CAMTA1: variants seen among roughly 807,000 people sequenced by gnomAD.
CAMTA1 encodes the protein calmodulin-binding transcription activator 1.
A neutral mutation model predicts 170.9 loss-of-function variants in CAMTA1; 27 were observed. The observed-to-expected ratio is 0.16, with a 90% CI of 0.12 to 0.22. CAMTA1 has a LOEUF of 0.22. Ranked by LOEUF, CAMTA1 falls within the 10% of genes least tolerant of loss-of-function variation. The probability of loss-of-function intolerance (pLI) is 1.00; values close to 1 mark genes in which losing one functional copy is unlikely to be tolerated. For missense variants in CAMTA1, 1,619 were observed against 2,217.2 expected, an observed-to-expected ratio of 0.73 and a Z score of 5.42; for synonymous variants, 833 against 891.5, an observed-to-expected ratio of 0.93 and a Z score of 1.17.
At chr1:6,886,432 G>T in intron 3 of CAMTA1, 1 of 378,210 alleles carries the variant, frequency 2.6e-6, no homozygotes, top group Admixed American at 3.4e-5. Flanking sequence ...TAACTACTAG[G>T]GAAATAGGCC....
At chr1:6,953,607 C>G (rs553682723) in intron 3 of CAMTA1, among the ~76,000 whole-genome samples, 20 of 152,344 alleles carry the variant, frequency 1.3e-4, no homozygotes, top group African/African-American at 4.6e-4. Flanking sequence ...ACCTTGGAAT[C>G]CACTTTTCTT....
intron 6 of CAMTA1, among the ~76,000 whole-genome samples, chr1:7,568,345 C>T (rs2095071544): frequency 6.6e-6 from 1 of 150,860 alleles, no homozygotes; most frequent in Non-Finnish European, 1.5e-5. Flanking sequence ...ATCATCACCA[C>T]ATCACCATCA....
In CAMTA1 at chr1:7,064,264, T is replaced by TTC. The variant is rs896537285; in HGVS notation, c.235-27029_235-27028dup. On this transcript the variant is annotated intron_variant, in intron 3 of 22. Transcript: ENST00000303635. The surrounding 1 kb of genome is among the most constrained non-coding windows in gnomAD (Gnocchi z 5.4). ...TGTTCTTGTTCTTTTCTTCCTCTTG[T>TTC]TCTCTCTCTCTCACTCTCTCCCTCC... is the stretch of plus-strand genomic sequence containing the variant. Among the ~76,000 whole-genome samples, 1 of 151,746 alleles carries TTC rather than the reference T, an allele frequency of 6.6e-6. No individual in the cohort carries two copies. Among genetic ancestry groups the TTC allele is most frequent in the Non-Finnish European group, 1.5e-5 (1 of 67,940 alleles).
chr1:7,648,972 C>G (rs898131460), intron 7 of CAMTA1, among the ~76,000 whole-genome samples: 3 of 152,232 alleles, frequency 2.0e-5, no homozygotes, highest in African/African-American at 7.2e-5. Flanking sequence ...TTCTCACATC[C>G]AGGTGCGAGG....
chr1:7,217,752 G>A (rs1209028018), intron 4 of CAMTA1, among the ~76,000 whole-genome samples: 1 of 151,996 alleles, frequency 6.6e-6, no homozygotes, highest in Non-Finnish European at 1.5e-5. Flanking sequence ...GGAGTCTCTT[G>A]ACTCCTACCT....
intron 3 of CAMTA1, among the ~76,000 whole-genome samples, chr1:6,948,046 C>G (rs1687856527): frequency 6.6e-6 from 1 of 152,160 alleles, no homozygotes; most frequent in Non-Finnish European, 1.5e-5. Flanking sequence ...CACCTAGAAC[C>G]TCCAGTACAA....
intron 6 of CAMTA1, among the ~76,000 whole-genome samples, chr1:7,607,662 G>C (rs1179100195): frequency 6.6e-6 from 1 of 152,154 alleles, no homozygotes; most frequent in Non-Finnish European, 1.5e-5. Context: ...TAGGCAGATG[G>C]GTGAATGGAT....
At chr1:7,098,560 G>A (rs1367669279) in intron 4 of CAMTA1, among the ~76,000 whole-genome samples, 1 of 152,212 alleles carries the variant, frequency 6.6e-6, no homozygotes, top group Non-Finnish European at 1.5e-5. Context: ...TATCCTGATG[G>A]AGTGTCTGGC....
intron 6 of CAMTA1, among the ~76,000 whole-genome samples, chr1:7,581,543 T>C (rs1251692658): frequency 6.6e-6 from 1 of 152,210 alleles, no homozygotes; most frequent in Non-Finnish European, 1.5e-5. Flanking sequence ...GAGGCAAAGC[T>C]GACCTGTGAC....
chr1:7,753,758 C>T (rs1285587838), intron 21 of CAMTA1, among the ~76,000 whole-genome samples: 1 of 152,154 alleles, frequency 6.6e-6, no homozygotes, highest in Non-Finnish European at 1.5e-5. Context: ...AGCTATGATG[C>T]CATGCAGAAG....
intron 11 of CAMTA1, among the ~76,000 whole-genome samples, chr1:7,683,987 A>G (rs1008795576): frequency 3.3e-5 from 5 of 152,202 alleles, no homozygotes; most frequent in Non-Finnish European, 7.3e-5. Context: ...CTCCTGGGAC[A>G]GTGACTTCCT....
At chr1:7,147,609 CAT>C (rs1646287108) in intron 4 of CAMTA1, among the ~76,000 whole-genome samples, 1 of 151,512 alleles carries the variant, frequency 6.6e-6, no homozygotes, top group Non-Finnish European at 1.5e-5. Context: ...CACACACACT[CAT>C]ACATCACACA....
At chr1:7,421,495 A>T (rs2091556698) in intron 5 of CAMTA1, among the ~76,000 whole-genome samples, 1 of 152,096 alleles carries the variant, frequency 6.6e-6, no homozygotes, top group Non-Finnish European at 1.5e-5. Context: ...TGGAGTGGAG[A>T]GGCTGAACGT....
intron 5 of CAMTA1, among the ~76,000 whole-genome samples, chr1:7,365,093 A>G (rs537803430): frequency 6.6e-6 from 1 of 152,364 alleles, no homozygotes; most frequent in African/African-American, 2.4e-5. Context: ...CATCCAGCCA[A>G]GCTCACACTT....
intron 5 of CAMTA1, among the ~76,000 whole-genome samples, chr1:7,459,716 A>G (rs2093038723): frequency 6.6e-6 from 1 of 152,186 alleles, no homozygotes; most frequent in African/African-American, 2.4e-5. Flanking sequence ...AGGTAAGTCA[A>G]AGTCCCTCCC....
At chr1:7,056,485 TA>T (rs1295542306) in intron 3 of CAMTA1, among the ~76,000 whole-genome samples, 1 of 152,044 alleles carries the variant, frequency 6.6e-6, no homozygotes, top group East Asian at 1.9e-4. Context: ...TTTTAAAAAA[TA>T]AAAAATGTAC....
intron 3 of CAMTA1, among the ~76,000 whole-genome samples, chr1:7,009,596 C>CA (rs1699503743): frequency 6.6e-6 from 1 of 152,242 alleles, no homozygotes; most frequent in African/African-American, 2.4e-5. Flanking sequence ...CAGAAAGGGG[C>CA]AAGCATCACA....
chr1:7,022,332 T>C (rs940582576), intron 3 of CAMTA1, among the ~76,000 whole-genome samples: 1 of 151,970 alleles, frequency 6.6e-6, no homozygotes, highest in Admixed American at 6.6e-5. Flanking sequence ...TGGCTGGCTG[T>C]TGAGGTGAGT....
At chr1:7,382,387 A>T (rs144835852) in intron 5 of CAMTA1, 5 of 152,258 alleles carry the variant, frequency 3.3e-5, no homozygotes, top group Admixed American at 2.0e-4. Flanking sequence ...CTTGGAGAGG[A>T]TGTGCGCTAA....
Sources: gnomAD v4.1 joint callset for allele counts (sites outside exome capture counted in the v4.1 genomes callset) on GRCh38, gnomAD v4.1.1 for gene constraint, Gnocchi (gnomAD v3.1) non-coding constraint, MANE v1.5 for transcripts, NCBI Gene and HGNC (gene_info 2026-07-23, HGNC 2026-07-21) for gene names.